SOBP: variants seen among roughly 807,000 people sequenced by gnomAD.
SOBP encodes the protein sine oculis binding protein homolog, also known as sine oculis-binding protein homolog.
Under a neutral mutation model 53.6 loss-of-function variants are expected in SOBP, and 4 were observed. The ratio of observed to expected loss-of-function variants is 0.07; its 90% CI spans 0.04 to 0.17. The LOEUF is 0.17. SOBP is among the 10% of genes least tolerant of loss of function. SOBP has a pLI of 1.00. For missense variants in SOBP, 1,088 were observed against 1,204.7 expected (o/e 0.90, Z 1.43); for synonymous variants, 584 against 522.6 (o/e 1.12, Z -1.60).
At position 107,490,424 on chromosome 6, in the gene SOBP, C is replaced by T. The variant is rs1014308509; in HGVS notation, c.-193C>T. On this transcript the variant is annotated 5_prime_UTR_variant, in exon 1 of 7. Coordinates refer to ENST00000317357, the MANE Select transcript of SOBP (RefSeq NM_018013.4). ...CCTTACCCGTGACAGCCACTGACGT[C>T]CTCCGCCGCTAGAAGAGACCCCGCT... 3 of 535,790 alleles carry T rather than the reference C, an allele frequency of 5.6e-6. No homozygotes were observed. Among genetic ancestry groups the T allele is most frequent in the African/African-American group, 3.9e-5 (2 of 50,916 alleles). 33.2% of individuals were successfully genotyped at this position (535,790 alleles called of 1,614,324 possible).
rs2115144722 is a variant in SOBP at position 107,634,204 on chromosome 6, C to T, written c.1360C>T (p.Pro454Ser). 4 of 1,602,190 alleles carry T rather than the reference C, an allele frequency of 2.5e-6. No individual in the cohort carries two copies. The Middle Eastern group carries it at 6.6e-4, about 265-fold the overall frequency. ...LGPTSSPMHR[P>S]MLSPHIHPPS... is the part of the protein sequence containing the mutation. ...CCCCACTTCCAGCCCCATGCACCGGCCCATGCTATCGCCCCACATCCACCC... is the reference window on the plus strand; with the variant it reads ...CCCCACTTCCAGCCCCATGCACCGGTCCATGCTATCGCCCCACATCCACCC... Residue 454 changes from proline (P) to serine (S), a missense_variant, in exon 6 of 7, where the codon CCC (proline) becomes TCC (serine). Pro to Ser is a moderately conservative substitution (Grantham distance 74). Transcript: ENST00000317357. This position sits in a 1 kb window ranked among gnomAD's most constrained non-coding sequence, Gnocchi z 4.5.
Position 107,503,533 on chromosome 6 carries a change from A to C in SOBP, c.97-124A>C, listed in dbSNP as rs1583147862. 3 of 1,019,488 alleles carry C rather than the reference A, an allele frequency of 2.9e-6. No individual in the cohort carries two copies. The East Asian group carries it at 7.3e-5, about 25-fold the overall frequency. 63.2% of individuals were successfully genotyped at this position (1,019,488 alleles called of 1,614,324 possible). ...GAACATGATTTGAAAAATGAACACC[A>C]CACTAGGGGAAGTGAGGCAGGGCTG... On this transcript the variant is annotated intron_variant, in intron 1 of 6. Transcript: ENST00000317357.
intron 5 of SOBP, among the ~76,000 whole-genome samples, chr6:107,629,543 A>G (rs934985630): frequency 3.9e-5 from 6 of 152,248 alleles, no homozygotes; most frequent in African/African-American, 7.2e-5. Flanking sequence ...ATATAAAAAT[A>G]AAGGCTCAGT....
chr6:107,552,568 G>A (rs1339711158), intron 4 of SOBP, among the ~76,000 whole-genome samples: 1 of 152,156 alleles, frequency 6.6e-6, no homozygotes, highest in African/African-American at 2.4e-5. Context: ...GAGTTGAATG[G>A]AGGGATAGAC....
intron 5 of SOBP, among the ~76,000 whole-genome samples, chr6:107,610,462 A>G (rs1297872344): frequency 6.6e-6 from 1 of 152,218 alleles, no homozygotes; most frequent in African/African-American, 2.4e-5. Context: ...TGAGCAGCCC[A>G]GGGATCCACA....
intron 6 of SOBP, among the ~76,000 whole-genome samples, chr6:107,647,193 A>C (rs865807384): frequency 6.6e-6 from 1 of 152,214 alleles, no homozygotes; most frequent in African/African-American, 2.4e-5. Context: ...CACTTTCTAC[A>C]TGTAGGCAGT....
At chr6:107,541,393 G>C (rs996956656) in intron 4 of SOBP, among the ~76,000 whole-genome samples, 4 of 152,132 alleles carry the variant, frequency 2.6e-5, no homozygotes, top group Non-Finnish European at 5.9e-5. Flanking sequence ...CAAGTGCCTT[G>C]ACTTTGAAAT....
rs1159095224 is a variant in SOBP at position 107,659,000 on chromosome 6, A to G, written c.*797A>G. 2 of 152,652 alleles carry G rather than the reference A, an allele frequency of 1.3e-5. No homozygotes were observed. The highest frequency in any genetic ancestry group is 2.9e-5 in the Non-Finnish European group (2 of 68,046). The allele number at this position is 152,652 out of a possible 1,614,324, so 9.5% of individuals were successfully genotyped here. On this transcript the variant is annotated 3_prime_UTR_variant, in exon 7 of 7. Coordinates refer to ENST00000317357, the MANE Select transcript of SOBP (RefSeq NM_018013.4). ...GTTTATTCTTCTCAGCTTTCTCTTT[A>G]AATTCCCCTAAATAGCGCCCCATTT... is the stretch of plus-strand genomic sequence containing the variant.
intron 1 of SOBP, among the ~76,000 whole-genome samples, chr6:107,494,639 A>G (rs1197254222): frequency 1.3e-5 from 2 of 152,242 alleles, no homozygotes; most frequent in African/African-American, 2.4e-5. Context: ...TAATGCACTT[A>G]CAATGTTTAA....
chr6:107,581,929 GC>G (rs1381401411), intron 4 of SOBP, among the ~76,000 whole-genome samples: 5 of 152,282 alleles, frequency 3.3e-5, no homozygotes, highest in South Asian at 4.1e-4. Context: ...GACATGTGCT[GC>G]CTCTGCTGCA....
chr6:107,625,413 G>A (rs935220384), intron 5 of SOBP, among the ~76,000 whole-genome samples: 3 of 152,248 alleles, frequency 2.0e-5, no homozygotes, highest in African/African-American at 7.2e-5. Context: ...CCCATAGCCA[G>A]GTGCCTGGCA....
chr6:107,545,219 A>G (rs1015229887), intron 4 of SOBP, among the ~76,000 whole-genome samples: 1 of 152,206 alleles, frequency 6.6e-6, no homozygotes, highest in African/African-American at 2.4e-5. Flanking sequence ...ACTCACCCTC[A>G]TCCCCACTAG....
chr6:107,594,195 AG>A (rs1247272033), intron 5 of SOBP, among the ~76,000 whole-genome samples: 1 of 152,124 alleles, frequency 6.6e-6, no homozygotes, highest in Non-Finnish European at 1.5e-5. Context: ...TGAGGACAAT[AG>A]TAGCTATTGG....
chr6:107,595,350 C>CTTTTTT lies in SOBP; in HGVS notation c.669+8193_669+8198dup, dbSNP rs745477007. On this transcript the variant is annotated intron_variant, in intron 5 of 6. Coordinates refer to ENST00000317357, the MANE Select transcript of SOBP (RefSeq NM_018013.4). ...AGTCTGACTGCTATAGATTTTGATC[C>CTTTTTT]TTTTTTTTTTTTTTTTTTTTTTTAG... Among the ~76,000 whole-genome samples, 142 of 88,116 alleles carry CTTTTTT rather than the reference C, an allele frequency of 1.6e-3. 4 individuals carry two copies. Among genetic ancestry groups the CTTTTTT allele is most frequent in the East Asian group, 0.014 (29 of 2,144 alleles). The allele number at this position is 88,116 out of a possible 152,430, so 57.8% of individuals were successfully genotyped here.
chr6:107,509,118 G>A (rs941236485), intron 3 of SOBP, among the ~76,000 whole-genome samples: 2 of 152,208 alleles, frequency 1.3e-5, no homozygotes, highest in African/African-American at 2.4e-5. Context: ...TGTAAGGCCG[G>A]GCGCAGTGGC....
At chr6:107,499,893 T>G (rs1030125101) in intron 1 of SOBP, among the ~76,000 whole-genome samples, 8 of 152,208 alleles carry the variant, frequency 5.3e-5, no homozygotes, top group Non-Finnish European at 8.8e-5. Flanking sequence ...TTAACTACTA[T>G]TACCTTTACT....
At chr6:107,616,711 C>T (rs779193614) in intron 5 of SOBP, among the ~76,000 whole-genome samples, 2 of 152,182 alleles carry the variant, frequency 1.3e-5, no homozygotes, top group South Asian at 2.1e-4. Flanking sequence ...TGCGAGGGGC[C>T]GAGCGTGGAT....
chr6:107,630,382 G>A (rs1374593226), intron 5 of SOBP, among the ~76,000 whole-genome samples: 1 of 152,174 alleles, frequency 6.6e-6, no homozygotes, highest in Admixed American at 6.5e-5. Context: ...ATATGCAAAT[G>A]TTGTTTTATT....
intron 4 of SOBP, among the ~76,000 whole-genome samples, chr6:107,543,706 C>T (rs1464383073): frequency 6.6e-6 from 1 of 152,140 alleles, no homozygotes; most frequent in Non-Finnish European, 1.5e-5. Flanking sequence ...ATTCTTTACA[C>T]GATGGATGTG....
Sources: gnomAD v4.1 joint callset for allele counts (sites outside exome capture counted in the v4.1 genomes callset) on GRCh38, gnomAD v4.1.1 for gene constraint, Gnocchi (gnomAD v3.1) non-coding constraint, MANE v1.5 for transcripts, NCBI Gene and HGNC (gene_info 2026-07-23, HGNC 2026-07-21) for gene names.